STXBP5L: variants seen among roughly 807,000 people sequenced by gnomAD.
STXBP5L encodes syntaxin binding protein 5L, also known as syntaxin-binding protein 5-like.
A neutral mutation model predicts 144.5 loss-of-function variants in STXBP5L; 65 were observed. The ratio of observed to expected loss-of-function variants is 0.45; its 90% CI spans 0.37 to 0.55. STXBP5L has a LOEUF of 0.55. Among genes scored for constraint, STXBP5L ranks in the 20% least tolerant of loss-of-function variants. The pLI is 0.00. For missense variants in STXBP5L, 1,298 were observed against 1,405.5 expected (o/e 0.92, Z 1.22); for synonymous variants, 505 against 469.6 (o/e 1.08, Z -0.97).
At chr3:121,406,106 G>A (rs2046988541) in intron 22 of STXBP5L, among the ~76,000 whole-genome samples, 1 of 151,952 alleles carries the variant, frequency 6.6e-6, no homozygotes, top group Non-Finnish European at 1.5e-5. Context: ...TTTCCTTCAT[G>A]GGAGATTGGG....
chr3:121,238,239 G>C (rs2049547890), intron 12 of STXBP5L, among the ~76,000 whole-genome samples: 1 of 152,150 alleles, frequency 6.6e-6, no homozygotes, highest in Non-Finnish European at 1.5e-5. Flanking sequence ...TGTATGTGGT[G>C]AGAACCTGAG....
chr3:121,231,957 C>T (rs2049323242), intron 11 of STXBP5L, among the ~76,000 whole-genome samples: 1 of 152,142 alleles, frequency 6.6e-6, no homozygotes, highest in Non-Finnish European at 1.5e-5. Context: ...AGACAAGGCT[C>T]AAACTTGTCC....
chr3:121,353,120 C>A (rs2045363762), intron 20 of STXBP5L, among the ~76,000 whole-genome samples: 1 of 152,124 alleles, frequency 6.6e-6, no homozygotes, highest in Non-Finnish European at 1.5e-5. Context: ...CCATGTTCGT[C>A]AGGGATATTG....
At chr3:121,034,303 T>G (rs752936840) in intron 3 of STXBP5L, among the ~76,000 whole-genome samples, 2 of 152,116 alleles carry the variant, frequency 1.3e-5, no homozygotes, top group Non-Finnish European at 2.9e-5. Flanking sequence ...CCCACCTTTC[T>G]GAGTGTCCAA....
chr3:120,961,280 T>G (rs959614861), intron 3 of STXBP5L, among the ~76,000 whole-genome samples: 45 of 151,872 alleles, frequency 3.0e-4, no homozygotes, highest in African/African-American at 1.0e-3. Context: ...TTTTGTTTTT[T>G]TTTTTTAATT....
chr3:120,973,056 G>A (rs1402927050), intron 3 of STXBP5L, among the ~76,000 whole-genome samples: 1 of 152,040 alleles, frequency 6.6e-6, no homozygotes, highest in Non-Finnish European at 1.5e-5. Flanking sequence ...GTCCCTGCCT[G>A]GCTTTGGTAT....
chr3:121,209,704 T>C (rs930762961), intron 10 of STXBP5L, among the ~76,000 whole-genome samples: 2 of 152,312 alleles, frequency 1.3e-5, no homozygotes, highest in African/African-American at 2.4e-5. Context: ...GTCCTTGTGA[T>C]AGTTTGCTGA....
rs568219618 is a variant in STXBP5L, at chr3:120,991,599, A to T, written c.287+36562A>T. Among the ~76,000 whole-genome samples the T allele has an allele frequency of 4.5e-3, 690 of 152,314 alleles. 4 individuals are homozygous for T. Among genetic ancestry groups the T allele is most frequent in the African/African-American group, 0.016 (657 of 41,568 alleles). On this transcript the variant is annotated intron_variant, in intron 3 of 26. Coordinates refer to ENST00000471454, the MANE Select transcript of STXBP5L (RefSeq NM_001308330.2). ...ACCAACCCAAATGTCCAACAATGATAGACTGGATTAAGAAAATGTGGCACA... is the reference window on the plus strand; with the variant it reads ...ACCAACCCAAATGTCCAACAATGATTGACTGGATTAAGAAAATGTGGCACA...
chr3:121,198,596 C>G (rs2048012887), intron 9 of STXBP5L, among the ~76,000 whole-genome samples: 1 of 152,138 alleles, frequency 6.6e-6, no homozygotes, highest in African/African-American at 2.4e-5. Context: ...AGGTTTTCTT[C>G]TAGGATTTTT....
At chr3:121,178,378 T>C (rs2047016428) in intron 9 of STXBP5L, among the ~76,000 whole-genome samples, 1 of 152,216 alleles carries the variant, frequency 6.6e-6, no homozygotes, top group Non-Finnish European at 1.5e-5. Context: ...TGAAAGATGA[T>C]GGCACATTAC....
chr3:121,412,432 T>C (rs1270228335), intron 23 of STXBP5L, among the ~76,000 whole-genome samples: 1 of 152,056 alleles, frequency 6.6e-6, no homozygotes, highest in Admixed American at 6.6e-5. Context: ...CAGAAGACAC[T>C]ACTCTTTGTA....
At chr3:120,934,913 A>G (rs1043295865) in intron 2 of STXBP5L, among the ~76,000 whole-genome samples, 5 of 152,010 alleles carry the variant, frequency 3.3e-5, no homozygotes, top group Non-Finnish European at 5.9e-5. Context: ...CTTGTAGACA[A>G]CATATAGTGG....
At chr3:121,399,010 G>A (rs1421231026) in intron 22 of STXBP5L, among the ~76,000 whole-genome samples, 1 of 152,122 alleles carries the variant, frequency 6.6e-6, no homozygotes, top group African/African-American at 2.4e-5. Context: ...AAGATCTGGA[G>A]GGTCAGGCCA....
chr3:121,134,975 C>T (rs1345227002), intron 7 of STXBP5L, among the ~76,000 whole-genome samples: 16 of 151,116 alleles, frequency 1.1e-4, no homozygotes, highest in Non-Finnish European at 1.2e-4. Context: ...CTTGAGGAAT[C>T]GCCACACTGT....
chr3:121,241,778 A>C (rs1210656702), intron 14 of STXBP5L, among the ~76,000 whole-genome samples: 2 of 152,206 alleles, frequency 1.3e-5, no homozygotes, highest in Admixed American at 6.5e-5. Context: ...GCAAAACAAC[A>C]TGAACCTTCA....
chr3:121,368,453 G>C (rs1465807052), intron 20 of STXBP5L, among the ~76,000 whole-genome samples: 1 of 151,534 alleles, frequency 6.6e-6, no homozygotes, highest in Non-Finnish European at 1.5e-5. Flanking sequence ...TATTTATCTA[G>C]TAGGTCTACC....
chr3:121,058,007 G>A lies in STXBP5L; in HGVS notation c.470+12472G>A, dbSNP rs1261021426. Among the ~76,000 whole-genome samples, 3 of 151,380 alleles carry A rather than the reference G, an allele frequency of 2.0e-5. No homozygotes were observed. The East Asian group carries it at 5.8e-4, about 29-fold the overall frequency. ...AATTTTTTATTATACTTAAAGTTTT[G>A]GGATACATGTGCAGAAAGTGCAGGT... On this transcript the variant is annotated intron_variant, in intron 5 of 26. Coordinates refer to ENST00000471454, the MANE Select transcript of STXBP5L (RefSeq NM_001308330.2).
At chr3:121,155,032 T>C (rs2046065580) in intron 8 of STXBP5L, among the ~76,000 whole-genome samples, 1 of 151,880 alleles carries the variant, frequency 6.6e-6, no homozygotes, top group Non-Finnish European at 1.5e-5. Context: ...TTTTAACTAA[T>C]CACAACCACT....
chr3:121,095,251 A>T (rs903124360), intron 5 of STXBP5L, among the ~76,000 whole-genome samples: 1 of 152,054 alleles, frequency 6.6e-6, no homozygotes, highest in South Asian at 2.1e-4. Flanking sequence ...GGTGAATCTG[A>T]CACTTATGTG....
Sources: allele counts gnomAD v4.1 joint callset (sites outside exome capture counted in the v4.1 genomes callset), GRCh38; gene constraint gnomAD v4.1.1; transcripts MANE v1.5; gene names NCBI Gene and HGNC (gene_info 2026-07-23, HGNC 2026-07-21).